Variants in HOPX observed in about 807,000 individuals in gnomAD.
HOPX encodes the protein homeodomain-only protein.
A neutral mutation model predicts 11.8 loss-of-function variants in HOPX; 5 were observed. The ratio of observed to expected loss-of-function variants is 0.43; its 90% CI spans 0.22 to 0.89. The LOEUF is 0.89. Among genes scored for constraint, HOPX ranks in the 40% least tolerant of loss-of-function variants. The probability of loss-of-function intolerance (pLI) is 0.28; values close to 1 mark genes in which losing one functional copy is unlikely to be tolerated. For missense variants in HOPX, 119 were observed against 120.0 expected, an observed-to-expected ratio of 0.99 and a Z score of 0.04; for synonymous variants, 49 against 49.7, an observed-to-expected ratio of 0.99 and a Z score of 0.06.
chr4:56,676,178 G>C (rs963985538), intron 1 of HOPX, among the ~76,000 whole-genome samples: 1 of 151,506 alleles, frequency 6.6e-6, no homozygotes, highest in African/African-American at 2.4e-5. Flanking sequence ...TGTGTCTGTG[G>C]TCCCAACTAC....
In HOPX at chr4:56,648,713, C is replaced by T. The variant is rs1454219524; in HGVS notation, c.*7G>A. ...ATGGAGTGAAGCTGTCAATGCCTGC[C>T]ATCTCCTTAGTCTGTGACGGATCTG... On this transcript the variant is annotated 3_prime_UTR_variant, in exon 4 of 4. Coordinates refer to ENST00000420433, the MANE Select transcript of HOPX (RefSeq NM_032495.6). The T allele has an allele frequency of 1.9e-6, 3 of 1,584,998 alleles. No individual in the cohort carries two copies. Among genetic ancestry groups the T allele is most frequent in the East Asian group, 2.3e-5 (1 of 44,356 alleles).
intron 3 of HOPX, among the ~76,000 whole-genome samples, chr4:56,652,735 G>A (rs998039134): frequency 2.0e-5 from 3 of 152,110 alleles, no homozygotes; most frequent in Non-Finnish European, 4.4e-5. Flanking sequence ...TAGAAGGATT[G>A]CCTGAGGCTG....
At chr4:56,677,115 A>G (rs1479323736) in intron 1 of HOPX, among the ~76,000 whole-genome samples, 2 of 151,850 alleles carry the variant, frequency 1.3e-5, no homozygotes, top group African/African-American at 4.9e-5. Flanking sequence ...ATTTCTTGAC[A>G]TTTTGTCTCC....
At chr4:56,655,630 C>G (rs888447856) in intron 3 of HOPX, among the ~76,000 whole-genome samples, 5 of 152,094 alleles carry the variant, frequency 3.3e-5, no homozygotes, top group Admixed American at 3.3e-4. Flanking sequence ...CGGGGAACCA[C>G]GGCTGGATGG....
At chr4:56,656,822 C>T (rs948745597) in intron 2 of HOPX, among the ~76,000 whole-genome samples, 1 of 152,160 alleles carries the variant, frequency 6.6e-6, no homozygotes, top group Non-Finnish European at 1.5e-5. Flanking sequence ...AGTGAGTCCC[C>T]GGCCTGCAGT....
chr4:56,676,246 C>T (rs1296804114), intron 1 of HOPX, among the ~76,000 whole-genome samples: 1 of 151,292 alleles, frequency 6.6e-6, no homozygotes. Flanking sequence ...TGCAGTGAGC[C>T]GAGATCATGA....
chr4:56,655,087 C>A (rs1420629393), intron 3 of HOPX, among the ~76,000 whole-genome samples: 1 of 152,140 alleles, frequency 6.6e-6, no homozygotes, highest in Non-Finnish European at 1.5e-5. Flanking sequence ...AATACAGGAG[C>A]ATTTAAAAAA....
intron 1 of HOPX, among the ~76,000 whole-genome samples, chr4:56,672,341 C>A (rs1038219979): frequency 6.6e-6 from 1 of 151,564 alleles, no homozygotes; most frequent in African/African-American, 2.4e-5. Flanking sequence ...GAGTTCCAGA[C>A]CAGCCTAGGC....
intron 2 of HOPX, chr4:56,656,220 C>T (rs1254174992): frequency 2.6e-6 from 3 of 1,132,542 alleles, no homozygotes; most frequent in South Asian, 3.6e-5. Flanking sequence ...GGACTGAGCG[C>T]TGTTGCGGGC....
rs535927802 is a variant in HOPX at position 56,649,835 on chromosome 4, C to A, written c.199-1038G>T. ...ACCATGCTGGGGATAGGGCCAGGGTCTGGACCAGGTTGATCAAGAGGAAAC... is the reference window on the plus strand; with the variant it reads ...ACCATGCTGGGGATAGGGCCAGGGTATGGACCAGGTTGATCAAGAGGAAAC... On this transcript the variant is annotated intron_variant, in intron 3 of 3. Coordinates refer to ENST00000420433, the MANE Select transcript of HOPX (RefSeq NM_032495.6). 31 of 152,260 alleles carry A rather than the reference C, an allele frequency of 2.0e-4. No individual in the cohort carries two copies. The South Asian group carries it at 5.2e-3, about 26-fold the overall frequency. 9.4% of individuals were successfully genotyped at this position (152,260 alleles called of 1,614,324 possible). A position where few individuals can be genotyped will look rare whatever the true frequency, so the allele number is the denominator to read the frequency against.
Position 56,667,503 on chromosome 4 carries a change from C to T in HOPX, c.-83-9604G>A, listed in dbSNP as rs548313651. On this transcript the variant is annotated intron_variant, in intron 1 of 3. Transcript: ENST00000420433. ...GAGATGTAATGGATATTCACACTTACTAAGCATTAGCACAACCGTATTGAC... is the reference window on the plus strand; with the variant it reads ...GAGATGTAATGGATATTCACACTTATTAAGCATTAGCACAACCGTATTGAC... 2.0e-5 allele frequency among the ~76,000 whole-genome samples: 3 copies of T among 152,254 alleles called. No individual in the cohort carries two copies. In the East Asian group the frequency reaches 5.8e-4, roughly 29 times the overall value.
intron 1 of HOPX, among the ~76,000 whole-genome samples, chr4:56,676,730 C>T (rs749922944): frequency 6.6e-6 from 1 of 151,548 alleles, no homozygotes; most frequent in Non-Finnish European, 1.5e-5. Context: ...ACCCTCTCCT[C>T]CCCACTGCTG....
intron 1 of HOPX, among the ~76,000 whole-genome samples, chr4:56,670,318 T>C (rs1477918003): frequency 1.3e-5 from 2 of 152,218 alleles, no homozygotes; most frequent in African/African-American, 2.4e-5. Context: ...AAATGTCTAA[T>C]GTCCTAATAC....
rs1469017706 is a variant in HOPX, at chr4:56,656,248, G to GTCCTGCGCC, written c.43-245_43-237dup. The stretch of plus-strand genomic sequence containing the variant: ...TTGCGGGCTGACGGCAGAGCCTAGC[G>GTCCTGCGCC]TCCTGCGCCTCCCGCGCCCCCCGGG... On this transcript the variant is annotated intron_variant, in intron 2 of 3. Transcript: ENST00000420433. 1,046 of 1,159,774 alleles carry GTCCTGCGCC rather than the reference G, an allele frequency of 9.0e-4. 2 individuals carry two copies. The highest frequency in any genetic ancestry group is 1.1e-3 in the Non-Finnish European group (988 of 933,778). The allele number at this position is 1,159,774 out of a possible 1,614,324, so 71.8% of individuals were successfully genotyped here.
At chr4:56,650,962 A>T in intron 3 of HOPX, 1 of 689,846 alleles carries the variant, frequency 1.4e-6, no homozygotes, top group Non-Finnish European at 2.3e-6. Flanking sequence ...CAGTTTCATT[A>T]ATGAGGTAGC....
At chr4:56,658,472 A>G (rs964357660) in intron 1 of HOPX, among the ~76,000 whole-genome samples, 3 of 152,204 alleles carry the variant, frequency 2.0e-5, no homozygotes, top group African/African-American at 4.8e-5. Flanking sequence ...TACTTCTCCA[A>G]GGTACACCAA....
rs560911195 is a variant in HOPX at position 56,652,814 on chromosome 4, T to A, written c.198+3043A>T. 1.3e-4 allele frequency among the ~76,000 whole-genome samples: 15 copies of A among 112,264 alleles called. No individual in the cohort carries two copies. In the South Asian group the frequency reaches 3.3e-3, roughly 25 times the overall value. 73.6% of individuals were successfully genotyped at this position (112,264 alleles called of 152,430 possible). A position where few individuals can be genotyped will look rare whatever the true frequency, so the allele number is the denominator to read the frequency against. ...CAGCCTGAATGACAGAGTGAGACACTCTCTCCAAAAGAGAAAAAAAGAAAG... is the reference window on the plus strand; with the variant it reads ...CAGCCTGAATGACAGAGTGAGACACACTCTCCAAAAGAGAAAAAAAGAAAG... On this transcript the variant is annotated intron_variant, in intron 3 of 3. Transcript: ENST00000420433.
chr4:56,674,155 A>G (rs1414246657), intron 1 of HOPX, among the ~76,000 whole-genome samples: 2 of 151,666 alleles, frequency 1.3e-5, no homozygotes, highest in Non-Finnish European at 2.9e-5. Flanking sequence ...CTGCTTCATA[A>G]ATCCCAGTTC....
Position 56,657,857 on chromosome 4 carries a change from G to C in HOPX, c.-41C>G. On this transcript the variant is annotated 5_prime_UTR_variant, in exon 2 of 4. Coordinates refer to ENST00000420433, the MANE Select transcript of HOPX (RefSeq NM_032495.6). ...CTGAATGTTGCCCAGCTGGTGACCT[G>C]TGCTCCGCTAGACCCTTCTCAGTGG... 1.3e-6 allele frequency: 2 copies of C among 1,550,658 alleles called. No homozygotes were observed. Among genetic ancestry groups the C allele is most frequent in the African/African-American group, 1.4e-5 (1 of 73,152 alleles).
Sources: allele counts gnomAD v4.1 joint callset (sites outside exome capture counted in the v4.1 genomes callset), GRCh38; gene constraint gnomAD v4.1.1; transcripts MANE v1.5; gene names NCBI Gene and HGNC (gene_info 2026-07-23, HGNC 2026-07-21).